GALNTL6: variants seen among roughly 807,000 people sequenced by gnomAD.
GALNTL6 encodes the protein polypeptide N-acetylgalactosaminyltransferase like 6.
GALNTL6 carries 46 observed loss-of-function variants against 73.7 expected under a neutral mutation model. The ratio of observed to expected loss-of-function variants is 0.62; its 90% CI spans 0.49 to 0.80. The LOEUF (loss-of-function observed/expected upper bound fraction) is 0.80. Among genes scored for constraint, GALNTL6 ranks in the 30% least tolerant of loss-of-function variants. The probability of loss-of-function intolerance (pLI) is 0.00; values close to 1 mark genes in which losing one functional copy is unlikely to be tolerated. For missense variants in GALNTL6, 604 were observed against 755.0 expected, an observed-to-expected ratio of 0.80 and a Z score of 2.34; for synonymous variants, 259 against 263.7, an observed-to-expected ratio of 0.98 and a Z score of 0.17.
At chr4:172,398,201 T>C (rs1308115041) in intron 5 of GALNTL6, among the ~76,000 whole-genome samples, 1 of 152,194 alleles carries the variant, frequency 6.6e-6, no homozygotes, top group East Asian at 1.9e-4. Context: ...AATTACATAT[T>C]CTTAAATTAT....
intron 2 of GALNTL6, among the ~76,000 whole-genome samples, chr4:171,967,053 A>G (rs1739406485): frequency 6.6e-6 from 1 of 152,228 alleles, no homozygotes; most frequent in Non-Finnish European, 1.5e-5. Flanking sequence ...TGAGAATATG[A>G]GAAACAATCC....
At chr4:171,982,321 G>C (rs1046592293) in intron 2 of GALNTL6, among the ~76,000 whole-genome samples, 1 of 152,004 alleles carries the variant, frequency 6.6e-6, no homozygotes, top group African/African-American at 2.4e-5. Context: ...TTTTTGATAC[G>C]GAGTCTCGCT....
intron 5 of GALNTL6, among the ~76,000 whole-genome samples, chr4:172,612,577 G>T: frequency 6.6e-6 from 1 of 152,028 alleles, no homozygotes; most frequent in East Asian, 1.9e-4. Context: ...GGAACTTCCA[G>T]GGAAATGGGT....
At chr4:172,912,474 A>C in intron 8 of GALNTL6, among the ~76,000 whole-genome samples, 1 of 152,226 alleles carries the variant, frequency 6.6e-6, no homozygotes, top group Non-Finnish European at 1.5e-5. Context: ...AGACAAGGGA[A>C]GCCATGACAG....
chr4:172,455,034 G>A (rs945418943), intron 5 of GALNTL6, among the ~76,000 whole-genome samples: 1 of 152,174 alleles, frequency 6.6e-6, no homozygotes, highest in African/African-American at 2.4e-5. Context: ...CACTGGGACT[G>A]GTTAGGCAAG....
At chr4:172,985,910 C>T (rs1404668763) in intron 10 of GALNTL6, among the ~76,000 whole-genome samples, 1 of 152,178 alleles carries the variant, frequency 6.6e-6, no homozygotes, top group Non-Finnish European at 1.5e-5. Context: ...ACTCCTAAGC[C>T]ATCATTTCTA....
chr4:172,651,205 G>A (rs1740461453), intron 5 of GALNTL6, among the ~76,000 whole-genome samples: 1 of 152,196 alleles, frequency 6.6e-6, no homozygotes, highest in Admixed American at 6.5e-5. Flanking sequence ...AGTAGGACCT[G>A]AAGCCATGGA....
intron 2 of GALNTL6, among the ~76,000 whole-genome samples, chr4:171,929,396 T>C (rs751395736): frequency 7.2e-5 from 11 of 152,098 alleles, no homozygotes; most frequent in Non-Finnish European, 1.2e-4. Context: ...TTACAATCGT[T>C]TAAACATTAA....
At chr4:171,968,203 T>C (rs1739446652) in intron 2 of GALNTL6, among the ~76,000 whole-genome samples, 1 of 152,166 alleles carries the variant, frequency 6.6e-6, no homozygotes, top group African/African-American at 2.4e-5. Flanking sequence ...GCATCTGTAT[T>C]AGTCTCCTAG....
intron 2 of GALNTL6, among the ~76,000 whole-genome samples, chr4:171,932,535 G>A (rs1738220205): frequency 1.3e-5 from 2 of 152,198 alleles, no homozygotes; most frequent in South Asian, 2.1e-4. Flanking sequence ...GGAGTCTGAG[G>A]TGTCTTGTCT....
chr4:172,994,776 A>T (rs1032850171), intron 10 of GALNTL6, among the ~76,000 whole-genome samples: 2 of 152,180 alleles, frequency 1.3e-5, no homozygotes, highest in African/African-American at 2.4e-5. Flanking sequence ...AGAACTTGAA[A>T]AGCCCCATGG....
At chr4:172,164,164 A>T (rs2110800102) in intron 2 of GALNTL6, among the ~76,000 whole-genome samples, 1 of 152,174 alleles carries the variant, frequency 6.6e-6, no homozygotes, top group Admixed American at 6.5e-5. Flanking sequence ...ACTCTTGAGA[A>T]GTATAAAAGT....
chr4:172,751,033 C>G (rs1411120527), intron 5 of GALNTL6, among the ~76,000 whole-genome samples: 1 of 152,080 alleles, frequency 6.6e-6, no homozygotes, highest in Non-Finnish European at 1.5e-5. Context: ...GATATCAGAA[C>G]TGAAACTACC....
At chr4:172,565,188 G>T (rs1372928184) in intron 5 of GALNTL6, among the ~76,000 whole-genome samples, 7 of 152,144 alleles carry the variant, frequency 4.6e-5, no homozygotes, top group African/African-American at 1.7e-4. Flanking sequence ...TTTCCCAAAA[G>T]GCCCCACCTC....
At chr4:172,902,005 G>C (rs1280126362) in intron 8 of GALNTL6, among the ~76,000 whole-genome samples, 1 of 152,116 alleles carries the variant, frequency 6.6e-6, no homozygotes, top group Non-Finnish European at 1.5e-5. Flanking sequence ...GCAGGGGTTG[G>C]GGGACAGAGA....
intron 2 of GALNTL6, among the ~76,000 whole-genome samples, chr4:171,828,048 A>G (rs985445828): frequency 1.3e-5 from 2 of 152,212 alleles, no homozygotes; most frequent in Non-Finnish European, 2.9e-5. Context: ...AAAAGTAAAA[A>G]GATTATCACA....
chr4:172,889,732 T>G (rs1745925398), intron 8 of GALNTL6, among the ~76,000 whole-genome samples: 1 of 152,152 alleles, frequency 6.6e-6, no homozygotes, highest in African/African-American at 2.4e-5. Flanking sequence ...TCATTGTGTC[T>G]TTGTCAGATT....
intron 2 of GALNTL6, among the ~76,000 whole-genome samples, chr4:171,839,616 T>C (rs890050068): frequency 8.6e-5 from 13 of 151,850 alleles, no homozygotes; most frequent in Non-Finnish European, 2.9e-5. Context: ...ATAGGTATGA[T>C]TTAAGTCTAC....
At chr4:172,181,712 A>T (rs1735248404) in intron 2 of GALNTL6, among the ~76,000 whole-genome samples, 1 of 150,386 alleles carries the variant, frequency 6.6e-6, no homozygotes, top group Non-Finnish European at 1.5e-5. Context: ...TCAGCCCCAA[A>T]TCTTCTTTTT....
Sources: allele counts gnomAD v4.1 joint callset (sites outside exome capture counted in the v4.1 genomes callset), GRCh38; gene constraint gnomAD v4.1.1; transcripts MANE v1.5; gene names NCBI Gene and HGNC (gene_info 2026-07-23, HGNC 2026-07-21).